PCDHGA3: variants seen among roughly 807,000 people sequenced by gnomAD.
PCDHGA3 encodes the protein protocadherin gamma subfamily A, 3.
PCDHGA3 carries 40 observed loss-of-function variants against 58.5 expected under a neutral mutation model. The observed-to-expected ratio is 0.68, with a 90% CI of 0.53 to 0.89. The LOEUF is 0.89. PCDHGA3 is among the 40% of genes least tolerant of loss of function. The pLI, the probability that PCDHGA3 is intolerant of heterozygous loss-of-function variation, is 0.00. For synonymous variants in PCDHGA3, 530 were observed against 525.7 expected, an observed-to-expected ratio of 1.01 and a Z score of -0.11; for missense variants, 1,223 against 1,195.9, an observed-to-expected ratio of 1.02 and a Z score of -0.33.
At chr5:141,500,252 A>G (rs2099798400) in intron 2 of PCDHGA3, among the ~76,000 whole-genome samples, 1 of 151,094 alleles carries the variant, frequency 6.6e-6, no homozygotes, top group East Asian at 1.9e-4. Flanking sequence ...TCTGTCACCC[A>G]GGCTGGACTG....
chr5:141,393,465 G>A lies in PCDHGA3; in HGVS notation c.2424+47008G>A, dbSNP rs776962387. The stretch of plus-strand genomic sequence containing the variant: ...CCTGGTCCTCACGGCCTCGGATGGC[G>A]GCAAGCCGCCTCGCTCTAGCACAGT... On this transcript the variant is annotated intron_variant, in intron 1 of 3. Transcript: ENST00000253812. 23 of 1,614,048 alleles carry A rather than the reference G, an allele frequency of 1.4e-5. No homozygotes were observed. The East Asian group carries it at 5.1e-4, about 36-fold the overall frequency.
intron 1 of PCDHGA3, chr5:141,410,904 A>G (rs2095446600): frequency 3.8e-6 from 1 of 262,528 alleles, no homozygotes; most frequent in African/African-American, 3.2e-5. Flanking sequence ...CCTAGGCTGG[A>G]GTGCAGTGGC....
intron 1 of PCDHGA3, among the ~76,000 whole-genome samples, chr5:141,461,231 T>C (rs1042368465): frequency 6.6e-5 from 10 of 152,068 alleles, no homozygotes; most frequent in African/African-American, 2.4e-4. Context: ...TCCATAGAGG[T>C]TGTACTAATT....
At chr5:141,364,167 G>A in intron 1 of PCDHGA3, 1 of 724,670 alleles carries the variant, frequency 1.4e-6, no homozygotes, top group Non-Finnish European at 2.0e-6. Context: ...GAGGCGACCC[G>A]ACTCTGCTCC....
At chr5:141,350,506 AGTGAACG>A in intron 1 of PCDHGA3, 2 of 1,614,058 alleles carry the variant, frequency 1.2e-6, no homozygotes, top group Non-Finnish European at 1.7e-6. Context: ...GGGATTTGTT[AGTGAACG>A]GTAGGATAGA....
chr5:141,410,068 C>A, intron 1 of PCDHGA3: 1 of 1,612,950 alleles, frequency 6.2e-7, no homozygotes. Context: ...TGGGGCTGCG[C>A]ACTGGGGAGG....
At chr5:141,415,738 AGGTTTT>A in intron 1 of PCDHGA3, 1 of 538,082 alleles carries the variant, frequency 1.9e-6, no homozygotes, top group South Asian at 3.9e-5. Flanking sequence ...ATGTTTATTA[AGGTTTT>A]TTTTTTTTTT....
At chr5:141,510,404 G>T (rs1596286932) in intron 3 of PCDHGA3, among the ~76,000 whole-genome samples, 2 of 152,252 alleles carry the variant, frequency 1.3e-5, no homozygotes, top group East Asian at 3.9e-4. Context: ...AAAGGCTAGG[G>T]GCATGTAAAG....
chr5:141,500,189 TTTA>T (rs780229863), intron 2 of PCDHGA3, among the ~76,000 whole-genome samples: 5,656 of 110,928 alleles, frequency 0.051, 122 homozygotes, highest in Middle Eastern at 0.14. Context: ...TTTATTTTTA[TTTA>T]TTTATTTATT....
Position 141,491,713 on chromosome 5 carries a change from G to A in PCDHGA3, c.2425-3094G>A. On this transcript the variant is annotated intron_variant, in intron 1 of 3. Transcript: ENST00000253812. This position sits in a 1 kb window ranked among gnomAD's most constrained non-coding sequence, Gnocchi z 6.9. ...GGAGCGGAGCCAGGTGAGGGGCTCG[G>A]CGCCGCCCCGGGCGACCCCTGGGGG... The A allele has an allele frequency of 1.9e-6, 3 of 1,609,174 alleles. No individual in the cohort carries two copies. Among genetic ancestry groups the A allele is most frequent in the Non-Finnish European group, 2.5e-6 (3 of 1,178,054 alleles).
At chr5:141,384,987 G>A (rs775895766) in intron 1 of PCDHGA3, 14 of 1,614,114 alleles carry the variant, frequency 8.7e-6, no homozygotes, top group Non-Finnish European at 1.1e-5. Flanking sequence ...TGGTGGTGGC[G>A]GTGGCCACAG....
intron 1 of PCDHGA3, chr5:141,356,470 G>C: frequency 6.2e-7 from 1 of 1,613,754 alleles, no homozygotes; most frequent in Non-Finnish European, 8.5e-7. Flanking sequence ...CACTGTAACT[G>C]CCACTGACCA....
rs1419222918 is a variant in PCDHGA3, at chr5:141,360,532, T to C, written c.2424+14075T>C. ...GGATATAAATGATAATACCCCGCTA[T>C]TCAAACAGACTAAGATTAATTTAAA... On this transcript the variant is annotated intron_variant, in intron 1 of 3. Coordinates refer to ENST00000253812, the MANE Select transcript of PCDHGA3 (RefSeq NM_018916.4). 3 of 1,613,892 alleles carry C rather than the reference T, an allele frequency of 1.9e-6. No individual in the cohort carries two copies. The Admixed American group carries it at 5.0e-5, about 27-fold the overall frequency.
At position 141,431,982 on chromosome 5, in the gene PCDHGA3, T is replaced by G. The variant is rs2097433926; in HGVS notation, c.2425-62825T>G. The G allele has an allele frequency of 6.2e-7, 1 of 1,614,212 alleles. No homozygotes were observed. Among genetic ancestry groups the G allele is most frequent in the African/African-American group, 1.3e-5 (1 of 75,056 alleles). ...AATTACTATAGTTTAGTCACAGACA[T>G]AGTCTTGGATAGGGAACAGGTTCCT... On this transcript the variant is annotated intron_variant, in intron 1 of 3. Transcript: ENST00000253812. The surrounding 1 kb of genome is among the most constrained non-coding windows in gnomAD (Gnocchi z 4.8).
chr5:141,400,727 G>A (rs2094067426), intron 1 of PCDHGA3: 2 of 649,836 alleles, frequency 3.1e-6, no homozygotes, highest in African/African-American at 1.8e-5. Flanking sequence ...GATTTACAAA[G>A]TAGTGAGAGT....
intron 1 of PCDHGA3, chr5:141,403,589 A>G (rs1447316737): frequency 1.2e-6 from 2 of 1,613,812 alleles, no homozygotes; most frequent in East Asian, 2.2e-5. Context: ...CCTGGTCCTC[A>G]CGGCCTCGGA....
At chr5:141,407,214 G>C (rs1230787104) in intron 1 of PCDHGA3, among the ~76,000 whole-genome samples, 2 of 152,146 alleles carry the variant, frequency 1.3e-5, no homozygotes, top group South Asian at 2.1e-4. Context: ...TCCCCCTTAA[G>C]TGGGTAGCAA....
At chr5:141,427,426 C>G (rs569185252) in intron 1 of PCDHGA3, 1 of 469,896 alleles carries the variant, frequency 2.1e-6, no homozygotes, top group Admixed American at 2.3e-5. Flanking sequence ...GGGGAGGTTA[C>G]ATGCCTCATA....
chr5:141,403,855 A>G (rs750458276), intron 1 of PCDHGA3: 12 of 1,613,676 alleles, frequency 7.4e-6, no homozygotes, highest in Non-Finnish European at 1.0e-5. Flanking sequence ...CTGGGGAAAT[A>G]TCAACAGCAA....
Sources: gnomAD v4.1 joint callset for allele counts (sites outside exome capture counted in the v4.1 genomes callset) on GRCh38, gnomAD v4.1.1 for gene constraint, Gnocchi (gnomAD v3.1) non-coding constraint, MANE v1.5 for transcripts, NCBI Gene and HGNC (gene_info 2026-07-23, HGNC 2026-07-21) for gene names.